Variants in KCNH8 observed in about 807,000 individuals in gnomAD.
KCNH8 encodes the protein voltage-gated delayed rectifier potassium channel KCNH8.
Under a neutral mutation model 103.6 loss-of-function variants are expected in KCNH8, and 70 were observed. The ratio of observed to expected loss-of-function variants is 0.68; its 90% CI spans 0.56 to 0.82. The LOEUF (loss-of-function observed/expected upper bound fraction) is 0.82, where lower values mean the gene tolerates loss of function less well. KCNH8 is among the 40% of genes least tolerant of loss of function. The pLI is 0.00. For missense variants in KCNH8, 1,217 were observed against 1,329.9 expected, an observed-to-expected ratio of 0.92 and a Z score of 1.32; for synonymous variants, 498 against 489.4, an observed-to-expected ratio of 1.02 and a Z score of -0.23.
At chr3:19,281,134 A>G in intron 2 of KCNH8, 64 bp from the exon 3 acceptor site, 1 of 1,521,698 alleles carries the variant, frequency 6.6e-7, no homozygotes, top group Non-Finnish European at 8.9e-7. Context: ...TTGATGATTG[A>G]GATTTCCATA....
intron 6 of KCNH8, among the ~76,000 whole-genome samples, chr3:19,394,532 T>C (rs938648048): frequency 7.2e-5 from 11 of 152,030 alleles, no homozygotes; most frequent in Non-Finnish European, 1.3e-4. Context: ...ATGTTTCCTC[T>C]GTCCATTGAT....
At chr3:19,398,447 A>G (rs1168999729) in intron 7 of KCNH8, among the ~76,000 whole-genome samples, 1 of 151,974 alleles carries the variant, frequency 6.6e-6, no homozygotes. Flanking sequence ...ATATTAAGCA[A>G]TTCACTCTCA....
chr3:19,381,633 C>G (rs1292677561), intron 5 of KCNH8, among the ~76,000 whole-genome samples: 1 of 151,602 alleles, frequency 6.6e-6, no homozygotes, highest in Non-Finnish European at 1.5e-5. Flanking sequence ...GTAGTTTGTG[C>G]TGAATGTTAT....
intron 11 of KCNH8, among the ~76,000 whole-genome samples, chr3:19,465,829 A>G (rs2067723337): frequency 6.6e-6 from 1 of 151,628 alleles, no homozygotes; most frequent in African/African-American, 2.4e-5. Flanking sequence ...GATCTGGTGG[A>G]GATAGCAAAA....
intron 7 of KCNH8, among the ~76,000 whole-genome samples, chr3:19,404,822 G>A (rs982353185): frequency 2.6e-5 from 4 of 151,434 alleles, no homozygotes; most frequent in Admixed American, 6.6e-5. Context: ...TCAAATAATC[G>A]ATTTATTTCC....
intron 1 of KCNH8, among the ~76,000 whole-genome samples, chr3:19,232,274 A>G (rs888354885): frequency 1.3e-5 from 2 of 152,222 alleles, no homozygotes; most frequent in African/African-American, 4.8e-5. Flanking sequence ...GTTGCCAAGA[A>G]GATAATCTGA....
In KCNH8 at chr3:19,390,557, C is replaced by T. The variant is rs1459449970; in HGVS notation, c.888C>T (p.Ile296=). The T allele has an allele frequency of 6.2e-7, 1 of 1,613,188 alleles. No individual in the cohort carries two copies. The highest frequency in any genetic ancestry group is 2.2e-5 in the East Asian group (1 of 44,858). Residue 296 remains isoleucine, a synonymous_variant, in exon 6 of 16, where the codon ATC becomes ATT. Transcript: ENST00000328405. ...TCTTTGAAGCAAGATCAATTTGCAT[C>T]CACTATGTCACAACCTGGTTCATCA... The part of the protein sequence containing the change: ...QVIFEARSIC[I]HYVTTWFIID...
At chr3:19,251,696 T>G (rs1302508626) in intron 1 of KCNH8, among the ~76,000 whole-genome samples, 5 of 152,098 alleles carry the variant, frequency 3.3e-5, no homozygotes, top group African/African-American at 7.2e-5. Context: ...TCATTTAAAC[T>G]TACTGTTTTT....
chr3:19,235,564 G>A (rs1367537832), intron 1 of KCNH8, among the ~76,000 whole-genome samples: 3 of 152,058 alleles, frequency 2.0e-5, no homozygotes, highest in African/African-American at 7.2e-5. Context: ...TGGACGATAG[G>A]CCCTGAATTT....
At chr3:19,313,933 A>C (rs1449747614) in intron 3 of KCNH8, among the ~76,000 whole-genome samples, 1 of 151,908 alleles carries the variant, frequency 6.6e-6, no homozygotes, top group Non-Finnish European at 1.5e-5. Flanking sequence ...TATATTATAG[A>C]GTGTTTGATG....
intron 2 of KCNH8, among the ~76,000 whole-genome samples, chr3:19,255,292 AT>A (rs1334370115): frequency 6.6e-6 from 1 of 152,148 alleles, no homozygotes; most frequent in Non-Finnish European, 1.5e-5. Flanking sequence ...AGTCCGTGTT[AT>A]TTTCTTATGG....
At chr3:19,475,626 T>C (rs1020406080) in intron 11 of KCNH8, among the ~76,000 whole-genome samples, 5 of 152,116 alleles carry the variant, frequency 3.3e-5, no homozygotes, top group Non-Finnish European at 5.9e-5. Context: ...AAAATTAATA[T>C]AAAATACACG....
intron 1 of KCNH8, among the ~76,000 whole-genome samples, chr3:19,179,591 T>G (rs1182368582): frequency 1.3e-5 from 2 of 152,144 alleles, no homozygotes. Context: ...TTGAACAAGA[T>G]CTGCAGAGAG....
At chr3:19,163,019 A>T (rs2063248851) in intron 1 of KCNH8, among the ~76,000 whole-genome samples, 1 of 152,122 alleles carries the variant, frequency 6.6e-6, no homozygotes, top group South Asian at 2.1e-4. Context: ...GTCTGTTGTG[A>T]ATAGTTTATG....
intron 2 of KCNH8, 83 bp downstream of exon 2, chr3:19,253,970 T>G: frequency 1.1e-6 from 1 of 912,608 alleles, no homozygotes; most frequent in Non-Finnish European, 1.8e-6. Context: ...GCAACTCCCA[T>G]TAAGGCTTAA....
chr3:19,156,977 T>C (rs1184941654), intron 1 of KCNH8, among the ~76,000 whole-genome samples: 1 of 150,830 alleles, frequency 6.6e-6, no homozygotes, highest in African/African-American at 2.5e-5. Context: ...TTTTTTTTTT[T>C]TTTTTAAAAA....
intron 5 of KCNH8, among the ~76,000 whole-genome samples, chr3:19,360,221 T>C (rs1345833701): frequency 2.0e-5 from 3 of 152,058 alleles, no homozygotes; most frequent in East Asian, 1.9e-4. Context: ...CTTGCAGACA[T>C]GTGCAAAAGG....
intron 1 of KCNH8, among the ~76,000 whole-genome samples, chr3:19,248,771 AT>A (rs1193271606): frequency 6.6e-6 from 1 of 152,022 alleles, no homozygotes; most frequent in Admixed American, 6.6e-5. Context: ...TCTCTTTTTT[AT>A]TTTCATCTTT....
At chr3:19,152,125 A>T (rs1243598704) in intron 1 of KCNH8, among the ~76,000 whole-genome samples, 1 of 152,094 alleles carries the variant, frequency 6.6e-6, no homozygotes, top group African/African-American at 2.4e-5. Context: ...TATGGCCTGC[A>T]ACTAGTTCAC....
Sources: gnomAD v4.1 joint callset for allele counts (sites outside exome capture counted in the v4.1 genomes callset) on GRCh38, gnomAD v4.1.1 for gene constraint, MANE v1.5 for transcripts, NCBI Gene and HGNC (gene_info 2026-07-23, HGNC 2026-07-21) for gene names.